Variants in LDLRAD4 observed in about 807,000 individuals in gnomAD.
LDLRAD4 encodes low-density lipoprotein receptor class A domain-containing protein 4.
In LDLRAD4, 5 loss-of-function variants were observed where a neutral mutation model predicts 17.0. The observed-to-expected ratio is 0.29, with a 90% CI of 0.15 to 0.62. The LOEUF is 0.62. Ranked by LOEUF, LDLRAD4 falls within the 20% of genes least tolerant of loss-of-function variation. The pLI is 0.84. For missense variants in LDLRAD4, 340 were observed against 424.7 expected, an observed-to-expected ratio of 0.80 and a Z score of 1.75; for synonymous variants, 168 against 171.8, an observed-to-expected ratio of 0.98 and a Z score of 0.17.
At chr18:13,611,868 G>A (rs2148719964) in intron 3 of LDLRAD4, 1 of 982,776 alleles carries the variant, frequency 1.0e-6, no homozygotes, top group Non-Finnish European at 1.2e-6. Flanking sequence ...TCGGTGGCAA[G>A]AGCCGCTGGG....
At chr18:13,601,218 T>C (rs910790564) in intron 3 of LDLRAD4, among the ~76,000 whole-genome samples, 2 of 152,238 alleles carry the variant, frequency 1.3e-5, no homozygotes, top group African/African-American at 4.8e-5. Context: ...TCTGATGTTA[T>C]AATGCATTTA....
chr18:13,547,725 A>T (rs551697819), intron 3 of LDLRAD4, among the ~76,000 whole-genome samples: 47 of 152,378 alleles, frequency 3.1e-4, no homozygotes, highest in African/African-American at 1.0e-3. Context: ...GGTGGTGCCC[A>T]GAAGTTTGGA....
At chr18:13,219,441 C>G (rs910076484) in intron 1 of LDLRAD4, among the ~76,000 whole-genome samples, 7 of 151,822 alleles carry the variant, frequency 4.6e-5, no homozygotes, top group African/African-American at 1.7e-4. Context: ...TTTCTCTTTT[C>G]TAATTATTTT....
intron 1 of LDLRAD4, among the ~76,000 whole-genome samples, chr18:13,358,680 G>A (rs1281548231): frequency 6.6e-6 from 1 of 152,140 alleles, no homozygotes; most frequent in African/African-American, 2.4e-5. Context: ...CACCAATTGT[G>A]ATGACTGGAA....
At chr18:13,541,960 C>T (rs1474568651) in intron 3 of LDLRAD4, among the ~76,000 whole-genome samples, 3 of 152,122 alleles carry the variant, frequency 2.0e-5, no homozygotes, top group Non-Finnish European at 4.4e-5. Flanking sequence ...TCTATGGTCC[C>T]AGCTACTGGG....
intron 5 of LDLRAD4, 42 bp downstream of exon 6, chr18:13,643,454 G>GT (rs2042792068): frequency 2.4e-6 from 1 of 415,354 alleles, no homozygotes; most frequent in Non-Finnish European, 4.2e-6. Context: ...GGGCGGGGGG[G>GT]GTGGGTGGGG....
chr18:13,253,289 G>A (rs1376889855), intron 1 of LDLRAD4, among the ~76,000 whole-genome samples: 1 of 152,186 alleles, frequency 6.6e-6, no homozygotes, highest in Non-Finnish European at 1.5e-5. Context: ...GCCTTGCTGT[G>A]ATCGGCTGTG....
chr18:13,450,329 C>T (rs1045860215), intron 3 of LDLRAD4, among the ~76,000 whole-genome samples: 1 of 115,438 alleles, frequency 8.7e-6, no homozygotes, highest in Non-Finnish European at 1.9e-5. Context: ...TCCCCCCACC[C>T]CCCCCCCCAA....
intron 3 of LDLRAD4, among the ~76,000 whole-genome samples, chr18:13,506,258 A>G (rs947747171): frequency 4.6e-5 from 7 of 151,674 alleles, no homozygotes; most frequent in Non-Finnish European, 8.8e-5. Flanking sequence ...TCTAGGGTAC[A>G]TGTGCATAAC....
intron 3 of LDLRAD4, among the ~76,000 whole-genome samples, chr18:13,452,373 C>G (rs897533317): frequency 6.6e-6 from 1 of 151,666 alleles, no homozygotes; most frequent in Non-Finnish European, 1.5e-5. Flanking sequence ...TGGAGGGGGG[C>G]GAGGAGGAGT....
At chr18:13,349,319 T>G (rs1190599010) in intron 1 of LDLRAD4, among the ~76,000 whole-genome samples, 1 of 152,266 alleles carries the variant, frequency 6.6e-6, no homozygotes, top group Non-Finnish European at 1.5e-5. Flanking sequence ...TGTCATAGAT[T>G]ATGTCTTTGT....
intron 2 of LDLRAD4, among the ~76,000 whole-genome samples, chr18:13,416,588 A>G (rs8092407): frequency 0.95 from 144,920 of 152,330 alleles, 69,288 homozygotes; most frequent in Non-Finnish European, 1. Context: ...TACTTCTGAC[A>G]TCTGTGTTTC....
rs558645893 is a variant in LDLRAD4 at position 13,499,325 on chromosome 18, C to T, written c.181+60941C>T. 4.5e-4 allele frequency among the ~76,000 whole-genome samples: 62 copies of T among 138,524 alleles called. 1 individual carries two copies. Among genetic ancestry groups the T allele is most frequent in the African/African-American group, 1.6e-3 (57 of 36,586 alleles). 90.9% of individuals were successfully genotyped at this position (138,524 alleles called of 152,430 possible). ...ATCCTTCTACTCACACACGTCCCGC[C>T]ATGGATACTGGAGAATCCTTGCCAC... On this transcript the variant is annotated intron_variant, in intron 3 of 5. Transcript: ENST00000359446.
chr18:13,561,922 A>G (rs1048866538), intron 3 of LDLRAD4: 3 of 152,344 alleles, frequency 2.0e-5, no homozygotes, highest in African/African-American at 7.2e-5. Context: ...AGAAAAACCA[A>G]ACATGTTCAA....
chr18:13,374,069 T>G (rs999327243), intron 1 of LDLRAD4, among the ~76,000 whole-genome samples: 20 of 152,218 alleles, frequency 1.3e-4, no homozygotes, highest in African/African-American at 4.6e-4. Context: ...GGAATTTGCT[T>G]TTACCTTTTA....
Position 13,296,069 on chromosome 18 carries a change from G to A in LDLRAD4, c.-383+17881G>A, listed in dbSNP as rs149000034. On this transcript the variant is annotated intron_variant, in intron 1 of 5. Transcript: ENST00000359446. Reference sequence around the variant, plus strand: ...CAGAACCAGCGCTCTTGCCTCTTCCGTCAAGGGCTCCTGCGCCTGGCGGGC... The same window carrying A: ...CAGAACCAGCGCTCTTGCCTCTTCCATCAAGGGCTCCTGCGCCTGGCGGGC... Among the ~76,000 whole-genome samples, 41 of 152,376 alleles carry A rather than the reference G, an allele frequency of 2.7e-4. 1 individual carries two copies. Among genetic ancestry groups the A allele is most frequent in the African/African-American group, 9.4e-4 (39 of 41,598 alleles).
chr18:13,437,473 C>G (rs1182640862), intron 2 of LDLRAD4, among the ~76,000 whole-genome samples: 1 of 152,132 alleles, frequency 6.6e-6, no homozygotes, highest in Non-Finnish European at 1.5e-5. Context: ...GTTAAGTGTG[C>G]AAATTTATTT....
chr18:13,269,553 G>A (rs1435059156), intron 1 of LDLRAD4, among the ~76,000 whole-genome samples: 2 of 152,002 alleles, frequency 1.3e-5, no homozygotes, highest in African/African-American at 4.8e-5. Flanking sequence ...ATGAACCGGG[G>A]TAGATGATCT....
chr18:13,610,869 C>G (rs930525210), intron 3 of LDLRAD4, among the ~76,000 whole-genome samples: 10 of 152,200 alleles, frequency 6.6e-5, no homozygotes, highest in African/African-American at 2.4e-4. Context: ...CAGGGAAAGT[C>G]TGGCACAGGG....
Sources: allele counts gnomAD v4.1 joint callset (sites outside exome capture counted in the v4.1 genomes callset), GRCh38; gene constraint gnomAD v4.1.1; transcripts MANE v1.5; gene names NCBI Gene and HGNC (gene_info 2026-07-23, HGNC 2026-07-21).